The following ABCD2 variants were observed in gnomAD, a reference collection of about 807,000 sequenced individuals.
The protein encoded by ABCD2 is ATP-binding cassette sub-family D member 2.
Under a neutral mutation model 70.9 loss-of-function variants are expected in ABCD2, and 36 were observed. That is an observed-to-expected ratio of 0.51 (90% CI 0.39 to 0.67). The LOEUF (loss-of-function observed/expected upper bound fraction) is 0.67, where lower values mean the gene tolerates loss of function less well. Ranked by LOEUF, ABCD2 falls within the 30% of genes least tolerant of loss-of-function variation. The pLI is 0.00. For missense variants in ABCD2, 729 were observed against 890.2 expected (o/e 0.82, Z 2.30); for synonymous variants, 304 against 306.9 (o/e 0.99, Z 0.10).
chr12:39,568,398 T>C (rs940996575), intron 9 of ABCD2, among the ~76,000 whole-genome samples: 66 of 152,338 alleles, frequency 4.3e-4, no homozygotes, highest in African/African-American at 1.1e-3. Flanking sequence ...ACTGATACCC[T>C]TTCTTCCAGT....
chr12:39,604,548 T>C (rs564170858), intron 4 of ABCD2, among the ~76,000 whole-genome samples: 1 of 152,180 alleles, frequency 6.6e-6, no homozygotes, highest in Non-Finnish European at 1.5e-5. Context: ...TGGAAAATTG[T>C]GTCCTAAATA....
intron 8 of ABCD2, among the ~76,000 whole-genome samples, chr12:39,579,209 A>G (rs539892372): frequency 4.1e-4 from 63 of 152,298 alleles, no homozygotes; most frequent in African/African-American, 1.5e-3. Context: ...TAAAAACACA[A>G]AAATTAGCCG....
At chr12:39,590,205 A>C (rs1317624172) in intron 6 of ABCD2, among the ~76,000 whole-genome samples, 1 of 152,184 alleles carries the variant, frequency 6.6e-6, no homozygotes, top group Non-Finnish European at 1.5e-5. Context: ...CACTCAAAGT[A>C]CCCTTTACTA....
intron 8 of ABCD2, among the ~76,000 whole-genome samples, chr12:39,575,426 A>C (rs555599663): frequency 1.2e-4 from 18 of 152,318 alleles, no homozygotes; most frequent in African/African-American, 4.3e-4. Flanking sequence ...GATATAAGAA[A>C]AAAAGCATTA....
At chr12:39,570,209 T>C (rs1020090251) in intron 9 of ABCD2, among the ~76,000 whole-genome samples, 1 of 152,228 alleles carries the variant, frequency 6.6e-6, no homozygotes, top group Non-Finnish European at 1.5e-5. Flanking sequence ...ATGCCAATGA[T>C]AGTCTTCAGA....
At position 39,619,578 on chromosome 12, in the gene ABCD2, T is replaced by G. The variant is rs1160480470; in HGVS notation, c.38A>C (p.Lys13Thr). ...HMLNAAADRV[K>T]WTRSSAAKRA... ...CTTAGCAGCACTCGATCTGGTCCATTTCACTCGATCAGCTGCTGCATTTAG... is the reference window on the plus strand; with the variant it reads ...CTTAGCAGCACTCGATCTGGTCCATGTCACTCGATCAGCTGCTGCATTTAG... The change falls in exon 1 of 10, where the codon AAA (lysine) becomes ACA (threonine). Residue 13 changes from lysine (K) to threonine (T), a missense_variant. Transcript: ENST00000308666. 8.1e-6 allele frequency: 13 copies of G among 1,610,888 alleles called. No individual in the cohort carries two copies. The highest frequency in any genetic ancestry group is 1.1e-5 in the Non-Finnish European group (13 of 1,179,974).
intron 6 of ABCD2, among the ~76,000 whole-genome samples, chr12:39,588,603 A>T (rs1392550997): frequency 2.0e-5 from 3 of 152,194 alleles, no homozygotes; most frequent in Admixed American, 6.5e-5. Context: ...GGTGTTCAGG[A>T]ATGCGAGAAA....
At chr12:39,534,697 A>AGGAC in the ABCD2 span, among the ~76,000 whole-genome samples, 3 of 49,156 alleles carry the variant, frequency 6.1e-5, no homozygotes, top group Non-Finnish European at 9.4e-5. Context: ...GAAGGAAGGA[A>AGGAC]GGACGGAAGG....
In ABCD2 at chr12:39,553,041, A is replaced by G. The variant is rs1432934956; in HGVS notation, c.*871T>C. 6.6e-6 allele frequency: 1 copy of G among 152,022 alleles called. No homozygotes were observed. 9.4% of individuals were successfully genotyped at this position (152,022 alleles called of 1,614,324 possible). On this transcript the variant is annotated 3_prime_UTR_variant, in exon 10 of 10. Coordinates refer to ENST00000308666, the MANE Select transcript of ABCD2 (RefSeq NM_005164.4). The stretch of plus-strand genomic sequence containing the variant: ...ATAAAGTACTATTCCAATGTATGTT[A>G]TTACTATGATTCTCAGAATCCTTAA...
rs67856652 is a variant in ABCD2, at chr12:39,618,025, CTT to C, written c.939+650_939+651del. On this transcript the variant is annotated intron_variant, in intron 1 of 9. Transcript: ENST00000308666. ...CTCCTCATTTCTTCTCTAATTTCAG[CTT>C]TTTTTTTTTTTCAAAGCTAGACAAA... Among the ~76,000 whole-genome samples the C allele has an allele frequency of 6.9e-3, 972 of 140,532 alleles. 4 individuals are homozygous for C. Among genetic ancestry groups the C allele is most frequent in the Middle Eastern group, 0.011 (3 of 272 alleles). The allele number at this position is 140,532 out of a possible 152,430, so 92.2% of individuals were successfully genotyped here. A position where few individuals can be genotyped will look rare whatever the true frequency, so the allele number is the denominator to read the frequency against.
intron 9 of ABCD2, among the ~76,000 whole-genome samples, chr12:39,565,204 A>G (rs1395826494): frequency 6.6e-6 from 1 of 152,282 alleles, no homozygotes; most frequent in South Asian, 2.1e-4. Context: ...CATTGAATCT[A>G]TAAATTACTT....
chr12:39,569,973 A>G (rs1262570333), intron 9 of ABCD2, among the ~76,000 whole-genome samples: 2 of 152,184 alleles, frequency 1.3e-5, no homozygotes, highest in Admixed American at 6.5e-5. Context: ...CAAGGAAACA[A>G]TCCCATTTTC....
the ABCD2 span, among the ~76,000 whole-genome samples, chr12:39,535,261 A>G: frequency 1.3e-5 from 2 of 152,268 alleles, no homozygotes; most frequent in Non-Finnish European, 2.9e-5. Context: ...AAAAGCATCT[A>G]ATCTAACTCC....
intron 2 of ABCD2, among the ~76,000 whole-genome samples, chr12:39,610,162 A>AACAGT (rs1230651770): frequency 6.6e-6 from 1 of 152,218 alleles, no homozygotes; most frequent in Non-Finnish European, 1.5e-5. Context: ...AGTAATGCTA[A>AACAGT]TTGAATGACA....
At chr12:39,567,382 G>A (rs573073764) in intron 9 of ABCD2, among the ~76,000 whole-genome samples, 10 of 152,264 alleles carry the variant, frequency 6.6e-5, no homozygotes, top group Admixed American at 4.6e-4. Context: ...TTACCATTAT[G>A]TAATGGCCTT....
intron 7 of ABCD2, among the ~76,000 whole-genome samples, chr12:39,585,724 A>C (rs1238541966): frequency 6.6e-6 from 1 of 152,158 alleles, no homozygotes; most frequent in Non-Finnish European, 1.5e-5. Flanking sequence ...TGAGAGCAAA[A>C]AAAGATACTG....
At chr12:39,554,640 T>C (rs1323436179) in intron 9 of ABCD2, among the ~76,000 whole-genome samples, 1 of 152,214 alleles carries the variant, frequency 6.6e-6, no homozygotes, top group Non-Finnish European at 1.5e-5. Context: ...AACAACTCTT[T>C]GATAGAAGAA....
chr12:39,584,929 T>C (rs1179955958), intron 7 of ABCD2, among the ~76,000 whole-genome samples: 1 of 152,206 alleles, frequency 6.6e-6, no homozygotes, highest in African/African-American at 2.4e-5. Flanking sequence ...AGACTTGTAG[T>C]ATAGTTTGAA....
At chr12:39,576,007 T>A (rs1402764483) in intron 8 of ABCD2, among the ~76,000 whole-genome samples, 1 of 152,212 alleles carries the variant, frequency 6.6e-6, no homozygotes, top group Admixed American at 6.5e-5. Context: ...ACTGATACAG[T>A]GACAAATTTA....
Sources: gnomAD v4.1 joint callset for allele counts (sites outside exome capture counted in the v4.1 genomes callset) on GRCh38, gnomAD v4.1.1 for gene constraint, MANE v1.5 for transcripts, NCBI Gene and HGNC (gene_info 2026-07-23, HGNC 2026-07-21) for gene names.